The following TYW1 variants were observed in gnomAD, a reference collection of about 807,000 sequenced individuals.
The protein encoded by TYW1 is S-adenosyl-L-methionine-dependent tRNA 4-demethylwyosine synthase TYW1.
In TYW1, 46 loss-of-function variants were observed where a neutral mutation model predicts 96.2. The observed-to-expected ratio is 0.48, with a 90% confidence interval of 0.38 to 0.61. The LOEUF is 0.61. Ranked by LOEUF, TYW1 falls within the 20% of genes least tolerant of loss-of-function variation. The probability of loss-of-function intolerance (pLI) is 0.00; values close to 1 mark genes in which losing one functional copy is unlikely to be tolerated. For synonymous variants in TYW1, 274 were observed against 323.0 expected, an observed-to-expected ratio of 0.85 and a Z score of 1.63; for missense variants, 684 against 909.6, an observed-to-expected ratio of 0.75 and a Z score of 3.19.
chr7:67,122,949 C>T (rs772877799), intron 13 of TYW1, among the ~76,000 whole-genome samples: 4 of 152,172 alleles, frequency 2.6e-5, no homozygotes, highest in Non-Finnish European at 5.9e-5. Context: ...TAATTGGTGG[C>T]ATTGAGACTT....
At chr7:67,003,300 T>C (rs1793466446) in intron 3 of TYW1, among the ~76,000 whole-genome samples, 1 of 152,124 alleles carries the variant, frequency 6.6e-6, no homozygotes, top group Admixed American at 6.6e-5. Flanking sequence ...TTGACTTCTT[T>C]TTATACAACC....
At chr7:67,058,778 A>C (rs1795608146) in intron 9 of TYW1, among the ~76,000 whole-genome samples, 1 of 151,990 alleles carries the variant, frequency 6.6e-6, no homozygotes, top group Non-Finnish European at 1.5e-5. Context: ...GCCTGGCCCC[A>C]TATGTAGTTT....
chr7:67,223,433 T>C (rs796482471), intron 15 of TYW1, among the ~76,000 whole-genome samples: 5 of 152,308 alleles, frequency 3.3e-5, no homozygotes, highest in African/African-American at 9.6e-5. Context: ...CTTTGAAGAC[T>C]GTACCTTTCC....
At position 67,052,755 on chromosome 7, in the gene TYW1, G is replaced by A. The variant is rs553276399; in HGVS notation, c.1102+2689G>A. ...ATTATTTATTTATTTATTTTGAGAC[G>A]GAGTCTCACTCTGTTGCCCAGGCCG... On this transcript the variant is annotated intron_variant, in intron 8 of 15. Coordinates refer to ENST00000359626, the MANE Select transcript of TYW1 (RefSeq NM_018264.4). 8.6e-5 allele frequency among the ~76,000 whole-genome samples: 13 copies of A among 151,936 alleles called. No homozygotes were observed. The South Asian group carries it at 1.9e-3, about 22-fold the overall frequency.
intron 14 of TYW1, among the ~76,000 whole-genome samples, chr7:67,189,836 T>G (rs1196774525): frequency 6.6e-6 from 1 of 152,158 alleles, no homozygotes; most frequent in Non-Finnish European, 1.5e-5. Context: ...TTCTGCTATA[T>G]TCCTTGTAAA....
At chr7:67,235,905 A>AAAG (rs1482566509) in intron 15 of TYW1, among the ~76,000 whole-genome samples, 1 of 121,262 alleles carries the variant, frequency 8.2e-6, no homozygotes, top group Non-Finnish European at 1.8e-5. Context: ...AAAAAAAAAA[A>AAAG]AAAAAGAAAA....
At chr7:67,237,344 C>G (rs1232545378) in intron 15 of TYW1, among the ~76,000 whole-genome samples, 1 of 149,758 alleles carries the variant, frequency 6.7e-6, no homozygotes, top group African/African-American at 2.5e-5. Context: ...ACTAAAAATA[C>G]AAAAAATTAG....
intron 9 of TYW1, among the ~76,000 whole-genome samples, chr7:67,065,745 G>A (rs906231484): frequency 6.6e-6 from 1 of 151,732 alleles, no homozygotes; most frequent in East Asian, 1.9e-4. Context: ...ATTGTGGACA[G>A]GCTTATATTA....
chr7:67,215,782 G>A lies in TYW1; in HGVS notation c.1977+20445G>A, dbSNP rs909022014. Among the ~76,000 whole-genome samples, 6 of 152,268 alleles carry A rather than the reference G, an allele frequency of 3.9e-5. No individual in the cohort carries two copies. The Middle Eastern group carries it at 0.01, about 259-fold the overall frequency. On this transcript the variant is annotated intron_variant, in intron 15 of 15. Coordinates refer to ENST00000359626, the MANE Select transcript of TYW1 (RefSeq NM_018264.4). ...AAACCTGAAGAACTTGGAGTCCGAT[G>A]TTCGAGGGCAGGAAGCATCCAGCAT...
chr7:67,000,480 G>C (rs1372629542), intron 3 of TYW1, among the ~76,000 whole-genome samples: 1 of 151,770 alleles, frequency 6.6e-6, no homozygotes, highest in Admixed American at 6.6e-5. Flanking sequence ...TGTATTTTTA[G>C]TAGAGACGAG....
chr7:67,155,876 A>T (rs1424187729), intron 13 of TYW1, among the ~76,000 whole-genome samples: 1 of 150,214 alleles, frequency 6.7e-6, no homozygotes, highest in Non-Finnish European at 1.5e-5. Context: ...AGAGGCAAAG[A>T]CTTTTTCCTG....
Position 67,049,854 on chromosome 7 carries a change from G to A in TYW1, c.985-95G>A, listed in dbSNP as rs999721331. On this transcript the variant is annotated intron_variant, in intron 7 of 15. Transcript: ENST00000359626. ...GAGCCACCGTGCCCGGCCTCATAAT[G>A]GACCTTTTTATTGATGCTAGGTGTT... 6.7e-6 allele frequency: 10 copies of A among 1,498,088 alleles called. No individual in the cohort carries two copies. The African/African-American group carries it at 1.4e-4, about 21-fold the overall frequency. The allele number at this position is 1,498,088 out of a possible 1,614,324, so 92.8% of individuals were successfully genotyped here.
chr7:67,228,693 T>A (rs1801643282), intron 15 of TYW1, among the ~76,000 whole-genome samples: 1 of 152,188 alleles, frequency 6.6e-6, no homozygotes, highest in East Asian at 1.9e-4. Flanking sequence ...TTATTTCAAC[T>A]CTTGAATGTG....
At chr7:67,152,283 C>T (rs1798826642) in intron 13 of TYW1, among the ~76,000 whole-genome samples, 1 of 152,168 alleles carries the variant, frequency 6.6e-6, no homozygotes, top group African/African-American at 2.4e-5. Context: ...TTAGGATACT[C>T]GGAAACTGCT....
rs1799953532 is a variant in TYW1, at chr7:67,184,647, A to AC, written c.1809+1411_1809+1412insC. 7.5e-5 allele frequency among the ~76,000 whole-genome samples: 2 copies of AC among 26,706 alleles called. 1 individual carries two copies. The highest frequency in any genetic ancestry group is 3.5e-4 in the African/African-American group (2 of 5,728). 17.5% of individuals were successfully genotyped at this position (26,706 alleles called of 152,430 possible). ...ATTTTATTTTATTTTATTTTATTTTATTTATGTTATGTTATGTTATGTTAT... is the reference window on the plus strand; with the variant it reads ...ATTTTATTTTATTTTATTTTATTTTACTTTATGTTATGTTATGTTATGTTAT... On this transcript the variant is annotated intron_variant, in intron 14 of 15. Transcript: ENST00000359626.
chr7:66,999,452 A>C (rs1793304282), intron 3 of TYW1, among the ~76,000 whole-genome samples: 1 of 151,992 alleles, frequency 6.6e-6, no homozygotes, highest in Non-Finnish European at 1.5e-5. Flanking sequence ...CCTCCACCTC[A>C]AGCGATTCTC....
intron 14 of TYW1, among the ~76,000 whole-genome samples, chr7:67,188,678 C>T (rs35336066): frequency 0.25 from 38,229 of 152,006 alleles, 4,990 homozygotes; most frequent in African/African-American, 0.3. Context: ...GTTCCCTACC[C>T]GTGCGTTTGG....
intron 15 of TYW1, among the ~76,000 whole-genome samples, chr7:67,203,676 CAAGAG>C (rs60861228): frequency 0.25 from 37,934 of 151,840 alleles, 4,871 homozygotes; most frequent in African/African-American, 0.3. Flanking sequence ...TTAGAAAACT[CAAGAG>C]AAGAAGAGTT....
At chr7:67,010,499 G>A (rs1793756807) in intron 4 of TYW1, among the ~76,000 whole-genome samples, 1 of 147,384 alleles carries the variant, frequency 6.8e-6, no homozygotes, top group Non-Finnish European at 1.5e-5. Context: ...TTTTTGACAT[G>A]GAGTCTCGCT....
Sources: allele counts gnomAD v4.1 joint callset (sites outside exome capture counted in the v4.1 genomes callset), GRCh38; gene constraint gnomAD v4.1.1; transcripts MANE v1.5; gene names NCBI Gene and HGNC (gene_info 2026-07-23, HGNC 2026-07-21).